TRPM3: variants seen among roughly 807,000 people sequenced by gnomAD.
TRPM3 encodes long transient receptor potential channel 3.
A neutral mutation model predicts 181.2 loss-of-function variants in TRPM3; 77 were observed. The ratio of observed to expected loss-of-function variants is 0.42; its 90% CI spans 0.35 to 0.51. The LOEUF (loss-of-function observed/expected upper bound fraction) is 0.51, where lower values mean the gene tolerates loss of function less well. Among genes scored for constraint, TRPM3 ranks in the 20% least tolerant of loss-of-function variants. The pLI is 0.01. For missense variants in TRPM3, 1,759 were observed against 2,196.7 expected (o/e 0.80, Z 3.98); for synonymous variants, 745 against 796.4 (o/e 0.94, Z 1.09).
intron 1 of TRPM3, among the ~76,000 whole-genome samples, chr9:71,281,704 A>G (rs2084719472): frequency 6.6e-6 from 1 of 152,196 alleles, no homozygotes; most frequent in Non-Finnish European, 1.5e-5. Context: ...ATTCATAAAA[A>G]TTACAGGAGA....
At chr9:70,587,001 A>ATT (rs375691936) in intron 22 of TRPM3, among the ~76,000 whole-genome samples, 25 of 147,608 alleles carry the variant, frequency 1.7e-4, no homozygotes, top group African/African-American at 5.7e-4. Context: ...AGGAGCAAGG[A>ATT]TTTTTTTTTT....
intron 1 of TRPM3, among the ~76,000 whole-genome samples, chr9:70,889,765 A>C (rs1042220842): frequency 4.6e-5 from 7 of 152,066 alleles, no homozygotes; most frequent in Non-Finnish European, 8.8e-5. Flanking sequence ...GTAATAGCCA[A>C]GGGTCATCAG....
intron 1 of TRPM3, among the ~76,000 whole-genome samples, chr9:71,024,466 T>A (rs1439333641): frequency 6.6e-6 from 1 of 152,196 alleles, no homozygotes; most frequent in Non-Finnish European, 1.5e-5. Context: ...CCAGGCTAGG[T>A]ATATCATGAT....
intron 1 of TRPM3, among the ~76,000 whole-genome samples, chr9:71,162,374 A>C (rs80212135): frequency 0.031 from 4,737 of 152,192 alleles, 219 homozygotes; most frequent in African/African-American, 0.11. Flanking sequence ...TCATCATGAC[A>C]GACAGGATAT....
At chr9:71,114,130 T>TCTAC (rs887406256) in intron 1 of TRPM3, among the ~76,000 whole-genome samples, 14 of 152,248 alleles carry the variant, frequency 9.2e-5, no homozygotes, top group East Asian at 3.9e-4. Context: ...TATCTATCTA[T>TCTAC]CTACCTACCT....
At chr9:71,414,189 T>A (rs1313734819) in intron 1 of TRPM3, among the ~76,000 whole-genome samples, 1 of 152,104 alleles carries the variant, frequency 6.6e-6, no homozygotes, top group Admixed American at 6.6e-5. Context: ...TAAAAGATAC[T>A]ATTAAGATGA....
chr9:71,038,465 T>C (rs1229510904), intron 1 of TRPM3, among the ~76,000 whole-genome samples: 1 of 152,182 alleles, frequency 6.6e-6, no homozygotes, highest in African/African-American at 2.4e-5. Flanking sequence ...TTTTGTTTCT[T>C]CCCTCTCTTC....
intron 22 of TRPM3, among the ~76,000 whole-genome samples, chr9:70,577,369 T>A (rs907094138): frequency 1.3e-5 from 2 of 152,220 alleles, no homozygotes; most frequent in African/African-American, 4.8e-5. Context: ...TGGGCCTGGA[T>A]TCCAATTCAG....
intron 1 of TRPM3, among the ~76,000 whole-genome samples, chr9:70,960,939 A>T (rs1157868198): frequency 6.6e-6 from 1 of 152,158 alleles, no homozygotes; most frequent in Non-Finnish European, 1.5e-5. Flanking sequence ...GTTCCTTAAT[A>T]TGGGGTTAAC....
chr9:71,358,141 G>A (rs75272976), intron 1 of TRPM3, among the ~76,000 whole-genome samples: 3,471 of 152,212 alleles, frequency 0.023, 115 homozygotes, highest in African/African-American at 0.077. Context: ...AATTTGATAA[G>A]CTTGGGTTCA....
chr9:71,065,413 G>C (rs2061801838), intron 1 of TRPM3, among the ~76,000 whole-genome samples: 1 of 152,106 alleles, frequency 6.6e-6, no homozygotes, highest in South Asian at 2.1e-4. Flanking sequence ...TTTAATGAGT[G>C]AATCAATGAA....
Position 70,615,836 on chromosome 9 carries a change from C to G in TRPM3, c.2526+72G>C, listed in dbSNP as rs2062700963. On this transcript the variant is annotated intron_variant, in intron 18 of 25. Coordinates refer to ENST00000677713, the MANE Select transcript of TRPM3 (RefSeq NM_001366145.2). Reference sequence around the variant, plus strand: ...TGTCTGACCTAAGGAGTTACTGAATCTTGAGCATATCGGTGGGACAAGTGG... The same window carrying G: ...TGTCTGACCTAAGGAGTTACTGAATGTTGAGCATATCGGTGGGACAAGTGG... 5 of 1,467,696 alleles carry G rather than the reference C, an allele frequency of 3.4e-6. No homozygotes were observed. The South Asian group carries it at 7.0e-5, about 21-fold the overall frequency. 90.9% of individuals were successfully genotyped at this position (1,467,696 alleles called of 1,614,324 possible). A position where few individuals can be genotyped will look rare whatever the true frequency, so the allele number is the denominator to read the frequency against.
At chr9:70,797,034 G>A (rs1483552299) in intron 6 of TRPM3, among the ~76,000 whole-genome samples, 1 of 152,204 alleles carries the variant, frequency 6.6e-6, no homozygotes, top group Non-Finnish European at 1.5e-5. Flanking sequence ...GGAGGCTGAG[G>A]TGGGAGGATT....
chr9:71,402,969 A>T lies in TRPM3; in HGVS notation c.183+43684T>A, dbSNP rs565009578. ...TTGCAAAAGTTATAAAGAGATGACA[A>T]AGACAAGATACAATCCTTGTTCTCA... is the stretch of plus-strand genomic sequence containing the variant. On this transcript the variant is annotated intron_variant, in intron 1 of 24. Transcript: ENST00000357533. Among the ~76,000 whole-genome samples the T allele has an allele frequency of 7.0e-4, 107 of 152,328 alleles. 1 individual carries two copies. The Middle Eastern group carries it at 0.017, about 24-fold the overall frequency.
At chr9:71,381,197 T>C (rs985053887) in intron 1 of TRPM3, among the ~76,000 whole-genome samples, 1 of 152,140 alleles carries the variant, frequency 6.6e-6, no homozygotes, top group Admixed American at 6.6e-5. Flanking sequence ...CAGGCAATAA[T>C]AAATGATAGA....
chr9:71,360,049 G>A (rs1177373553), intron 1 of TRPM3, among the ~76,000 whole-genome samples: 1 of 152,150 alleles, frequency 6.6e-6, no homozygotes, highest in Admixed American at 6.6e-5. Context: ...AGTGCTAGAG[G>A]AAGAGTGGCC....
intron 9 of TRPM3, among the ~76,000 whole-genome samples, chr9:70,646,150 G>A (rs1197114232): frequency 6.6e-6 from 1 of 152,232 alleles, no homozygotes; most frequent in East Asian, 1.9e-4. Context: ...TTCAACCATT[G>A]TGGAAGACAG....
intron 1 of TRPM3, among the ~76,000 whole-genome samples, chr9:71,411,682 T>G (rs929653349): frequency 2.2e-4 from 34 of 152,276 alleles, no homozygotes; most frequent in Admixed American, 2.6e-4. Flanking sequence ...CCAAGGTAAT[T>G]TATAGATTCA....
At chr9:71,372,045 T>G (rs2092532565) in intron 1 of TRPM3, among the ~76,000 whole-genome samples, 1 of 152,170 alleles carries the variant, frequency 6.6e-6, no homozygotes, top group African/African-American at 2.4e-5. Context: ...GTTCCATCAA[T>G]CAGCTCCCAC....
Sources: gnomAD v4.1 joint callset for allele counts (sites outside exome capture counted in the v4.1 genomes callset) on GRCh38, gnomAD v4.1.1 for gene constraint, MANE v1.5 for transcripts, NCBI Gene and HGNC (gene_info 2026-07-23, HGNC 2026-07-21) for gene names.